Variants in ZMYND8 observed in about 807,000 individuals in gnomAD.
ZMYND8 encodes MYND-type zinc finger-containing chromatin reader ZMYND8.
Under a neutral mutation model 140.8 loss-of-function variants are expected in ZMYND8, and 37 were observed. The ratio of observed to expected loss-of-function variants is 0.26; its 90% CI spans 0.20 to 0.35. The LOEUF (loss-of-function observed/expected upper bound fraction) is 0.35. Ranked by LOEUF, ZMYND8 falls within the 10% of genes least tolerant of loss-of-function variation. The pLI, the probability that ZMYND8 is intolerant of heterozygous loss-of-function variation, is 1.00. For synonymous variants in ZMYND8, 592 were observed against 597.1 expected, an observed-to-expected ratio of 0.99 and a Z score of 0.12; for missense variants, 1,068 against 1,570.0, an observed-to-expected ratio of 0.68 and a Z score of 5.40.
At chr20:47,325,750 C>T (rs1569203706) in intron 2 of ZMYND8, among the ~76,000 whole-genome samples, 1 of 151,946 alleles carries the variant, frequency 6.6e-6, no homozygotes, top group Non-Finnish European at 1.5e-5. Context: ...CTAAGACAAC[C>T]AATTTACTCA....
At position 47,224,524 on chromosome 20, in the gene ZMYND8, C is replaced by T. The variant is rs2146976497; in HGVS notation, c.3049G>A (p.Glu1017Lys). 2 of 1,613,936 alleles carry T rather than the reference C, an allele frequency of 1.2e-6. No homozygotes were observed. The highest frequency in any genetic ancestry group is 1.7e-6 in the Non-Finnish European group (2 of 1,180,052). ...GCGATGAGCCGGTCCCGCTCCTGCT[C>T]CAGGCTCTGCCGCATCTCCGCCATG... Reference protein sequence around the residue: ...LTMAEMRQSLEQERDRLIAEV... With the variant: ...LTMAEMRQSLKQERDRLIAEV... Residue 1017 changes from glutamate to lysine, a missense_variant, in exon 19 of 23, where the codon GAG becomes AAG. By Grantham distance (56) the Glu-to-Lys change is moderately conservative (BLOSUM62 1). Transcript: ENST00000471951.
chr20:47,297,467 G>A (rs2077715139), intron 4 of ZMYND8, among the ~76,000 whole-genome samples: 1 of 151,522 alleles, frequency 6.6e-6, no homozygotes, highest in African/African-American at 2.4e-5. Context: ...TATTTCCCAG[G>A]ATAGAATACA....
chr20:47,302,365 C>T (rs1019667296), intron 3 of ZMYND8, among the ~76,000 whole-genome samples: 2 of 151,960 alleles, frequency 1.3e-5, no homozygotes, highest in Non-Finnish European at 2.9e-5. Context: ...ACTCAGGAGG[C>T]TGAGGCAGGA....
chr20:47,318,321 C>T (rs1197829088), intron 2 of ZMYND8, among the ~76,000 whole-genome samples: 1 of 152,160 alleles, frequency 6.6e-6, no homozygotes, highest in Non-Finnish European at 1.5e-5. Flanking sequence ...TCAAACATGA[C>T]CACACACTGC....
At chr20:47,217,810 C>T (rs2146868011) in intron 21 of ZMYND8, among the ~76,000 whole-genome samples, 1 of 151,836 alleles carries the variant, frequency 6.6e-6, no homozygotes, top group African/African-American at 2.4e-5. Flanking sequence ...TCCTTTGAAA[C>T]TCCACGAAGA....
At chr20:47,300,532 T>C (rs1173778966) in intron 3 of ZMYND8, among the ~76,000 whole-genome samples, 1 of 152,218 alleles carries the variant, frequency 6.6e-6, no homozygotes, top group African/African-American at 2.4e-5. Flanking sequence ...ACAGACCTCA[T>C]ATATAGACAG....
At chr20:47,242,063 C>T (rs868569442) in intron 14 of ZMYND8, among the ~76,000 whole-genome samples, 12 of 152,104 alleles carry the variant, frequency 7.9e-5, no homozygotes, top group Non-Finnish European at 1.5e-5. Context: ...GTGATCCACC[C>T]GCCTCGGCCT....
At chr20:47,352,506 A>G in intron 1 of ZMYND8, 15 of 985,352 alleles carry the variant, frequency 1.5e-5, no homozygotes, top group Non-Finnish European at 1.8e-5. Context: ...ACCACCCCCA[A>G]CAGAGCCTGA....
intron 5 of ZMYND8, among the ~76,000 whole-genome samples, chr20:47,292,325 T>C (rs190907837): frequency 2.0e-5 from 3 of 152,336 alleles, no homozygotes; most frequent in Admixed American, 2.0e-4. Flanking sequence ...ACATGACTCA[T>C]TCTTTTTGTT....
At chr20:47,325,884 G>A (rs993563566) in intron 2 of ZMYND8, among the ~76,000 whole-genome samples, 1 of 151,892 alleles carries the variant, frequency 6.6e-6, no homozygotes. Flanking sequence ...CAATTCTCCT[G>A]CCTCAGCCTC....
chr20:47,350,873 G>C (rs561878738), intron 1 of ZMYND8, among the ~76,000 whole-genome samples: 129 of 152,166 alleles, frequency 8.5e-4, no homozygotes, highest in Non-Finnish European at 1.5e-3. Context: ...CTACAGAAAA[G>C]GGTAAAATTA....
At chr20:47,338,360 G>A (rs993480487) in intron 2 of ZMYND8, among the ~76,000 whole-genome samples, 3 of 152,082 alleles carry the variant, frequency 2.0e-5, no homozygotes, top group South Asian at 4.1e-4. Context: ...CAGAACCGAA[G>A]GACCCTGACC....
rs968535307 is a variant in ZMYND8, at chr20:47,210,539, C to T, written c.*222G>A. On this transcript the variant is annotated 3_prime_UTR_variant, in exon 23 of 23. Transcript: ENST00000471951. ...ACATCCACAAATTGTACATTATTTA[C>T]ACCAAAAGCACAGGGCTCGTGTGGG... 5 of 494,320 alleles carry T rather than the reference C, an allele frequency of 1.0e-5. No individual in the cohort carries two copies. Among genetic ancestry groups the T allele is most frequent in the Non-Finnish European group, 1.8e-5 (5 of 274,518 alleles). 30.6% of individuals were successfully genotyped at this position (494,320 alleles called of 1,614,324 possible).
chr20:47,329,438 C>T (rs920761423), intron 2 of ZMYND8, among the ~76,000 whole-genome samples: 1 of 151,814 alleles, frequency 6.6e-6, no homozygotes, highest in Admixed American at 6.6e-5. Flanking sequence ...GAGTTTTGCT[C>T]TTATTGCCCA....
At chr20:47,273,633 T>A (rs1382133420) in intron 11 of ZMYND8, among the ~76,000 whole-genome samples, 1 of 152,232 alleles carries the variant, frequency 6.6e-6, no homozygotes, top group Admixed American at 6.5e-5. Context: ...TTTTCTTCTA[T>A]CTAGCTAGCT....
At chr20:47,263,204 T>G (rs2075278990) in intron 11 of ZMYND8, among the ~76,000 whole-genome samples, 1 of 152,210 alleles carries the variant, frequency 6.6e-6, no homozygotes, top group Non-Finnish European at 1.5e-5. Flanking sequence ...CCTTTGTCCT[T>G]GCCCCTCCAT....
At chr20:47,320,210 G>A (rs2079813947) in intron 2 of ZMYND8, 1 of 152,226 alleles carries the variant, frequency 6.6e-6, no homozygotes, top group Non-Finnish European at 1.5e-5. Context: ...CTTCAGAAAG[G>A]GGGCAGATGA....
chr20:47,268,936 C>A (rs2075741437), intron 11 of ZMYND8, among the ~76,000 whole-genome samples: 1 of 152,110 alleles, frequency 6.6e-6, no homozygotes, highest in East Asian at 1.9e-4. Flanking sequence ...CGCAGTGGCT[C>A]ACACCTGTAA....
chr20:47,230,035 C>G (rs1315192152), intron 16 of ZMYND8, among the ~76,000 whole-genome samples: 1 of 152,106 alleles, frequency 6.6e-6, no homozygotes, highest in Admixed American at 6.5e-5. Context: ...AACTTCCTAC[C>G]TGAACCATGC....
Sources: allele counts gnomAD v4.1 joint callset (sites outside exome capture counted in the v4.1 genomes callset), GRCh38; gene constraint gnomAD v4.1.1; transcripts MANE v1.5; gene names NCBI Gene and HGNC (gene_info 2026-07-23, HGNC 2026-07-21).